SYN2: variants seen among roughly 807,000 people sequenced by gnomAD.
SYN2 encodes the protein synapsin-2.
SYN2 carries 19 observed loss-of-function variants against 50.9 expected under a neutral mutation model. The observed-to-expected ratio is 0.37, with a 90% CI of 0.26 to 0.55. The LOEUF (loss-of-function observed/expected upper bound fraction) is 0.55. Among genes scored for constraint, SYN2 ranks in the 20% least tolerant of loss-of-function variants. The pLI is 0.81. For synonymous variants in SYN2, 255 were observed against 224.9 expected (o/e 1.13, Z -1.20); for missense variants, 587 against 576.4 (o/e 1.02, Z -0.19).
At chr3:12,038,370 T>G (rs1291925650) in intron 1 of SYN2, among the ~76,000 whole-genome samples, 1 of 152,126 alleles carries the variant, frequency 6.6e-6, no homozygotes, top group East Asian at 1.9e-4. Context: ...CTAACTTTGT[T>G]GTTTTTTAAA....
intron 1 of SYN2, among the ~76,000 whole-genome samples, chr3:12,120,383 C>G (rs1272194990): frequency 1.3e-5 from 2 of 152,138 alleles, no homozygotes; most frequent in African/African-American, 4.8e-5. Context: ...GTCTACCTCT[C>G]CTTCCCCACT....
Position 12,169,865 on chromosome 3 carries a change from G to A in SYN2, c.1267G>A (p.Ala423Thr). 1 of 1,612,972 alleles carries A rather than the reference G, an allele frequency of 6.2e-7. No individual in the cohort carries two copies. Residue 423 changes from alanine to threonine, a missense_variant, in exon 10 of 13, where the codon GCC becomes ACC. Transcript: ENST00000621198. ...GAACCAGCTGCTGTCCAGGACTCCT[G>A]CCCTGTCTCCTCAGAGACCCCTAAC... Reference protein sequence around the residue: ...KMNQLLSRTPALSPQRPLTTQ... With the variant: ...KMNQLLSRTPTLSPQRPLTTQ...
At chr3:12,051,274 A>G (rs1694856882) in intron 1 of SYN2, among the ~76,000 whole-genome samples, 1 of 152,160 alleles carries the variant, frequency 6.6e-6, no homozygotes, top group Admixed American at 6.5e-5. Flanking sequence ...ATGACCTTAT[A>G]AAACTGTGGC....
intron 1 of SYN2, among the ~76,000 whole-genome samples, chr3:12,098,695 A>C (rs944580104): frequency 6.6e-6 from 1 of 151,862 alleles, no homozygotes; most frequent in African/African-American, 2.4e-5. Flanking sequence ...AAAATGTCAG[A>C]TGTAATTCCT....
intron 5 of SYN2, among the ~76,000 whole-genome samples, chr3:12,157,140 A>G (rs1446837495): frequency 6.6e-6 from 1 of 152,204 alleles, no homozygotes; most frequent in Non-Finnish European, 1.5e-5. Flanking sequence ...GGTTTATTCC[A>G]GTAGGTACCT....
At chr3:12,091,712 C>A (rs2125182051) in intron 1 of SYN2, among the ~76,000 whole-genome samples, 1 of 152,268 alleles carries the variant, frequency 6.6e-6, no homozygotes, top group South Asian at 2.1e-4. Flanking sequence ...AATAGTTAAG[C>A]CTCAAGACTT....
intron 1 of SYN2, among the ~76,000 whole-genome samples, chr3:12,039,648 AT>A (rs554765732): frequency 6.9e-5 from 10 of 143,900 alleles, no homozygotes. Context: ...AAAGCAATGG[AT>A]TTTTTTTGAA....
intron 1 of SYN2, among the ~76,000 whole-genome samples, chr3:12,098,089 C>A (rs2125186998): frequency 6.6e-6 from 1 of 152,226 alleles, no homozygotes; most frequent in East Asian, 1.9e-4. Context: ...ACACCATAAT[C>A]AAACTGTTGA....
At chr3:12,026,882 G>C (rs1694272399) in intron 1 of SYN2, among the ~76,000 whole-genome samples, 2 of 152,320 alleles carry the variant, frequency 1.3e-5, no homozygotes, top group East Asian at 3.9e-4. Flanking sequence ...GCAGTGTTTG[G>C]ATGTTAACTA....
At chr3:12,166,095 G>A (rs1559450314) in intron 7 of SYN2, among the ~76,000 whole-genome samples, 1 of 152,184 alleles carries the variant, frequency 6.6e-6, no homozygotes, top group South Asian at 2.1e-4. Context: ...CAAGCATAAG[G>A]ACTGTTGTGA....
chr3:12,174,967 C>T (rs886457532), intron 10 of SYN2, among the ~76,000 whole-genome samples: 5 of 152,180 alleles, frequency 3.3e-5, no homozygotes, highest in Admixed American at 1.3e-4. Flanking sequence ...AGAGTACAGA[C>T]TTGTTTATGG....
In SYN2 at chr3:12,190,711, G is replaced by T. The variant is rs1698430134; in HGVS notation, c.*86G>T. 6.4e-7 allele frequency: 1 copy of T among 1,552,220 alleles called. No homozygotes were observed. The highest frequency in any genetic ancestry group is 1.4e-5 in the African/African-American group (1 of 73,136). On this transcript the variant is annotated 3_prime_UTR_variant, in exon 13 of 13. Transcript: ENST00000621198. The stretch of plus-strand genomic sequence containing the variant: ...AACAGTCAGCCAGCTTGGTGGTTAT[G>T]TCCCATGACCTTGACGTGTGTGGTC...
At chr3:12,030,247 A>G (rs1037065274) in intron 1 of SYN2, among the ~76,000 whole-genome samples, 1 of 122,192 alleles carries the variant, frequency 8.2e-6, no homozygotes, top group East Asian at 2.2e-4. Context: ...CATGGTGGAT[A>G]AGCTTTTTGA....
intron 1 of SYN2, among the ~76,000 whole-genome samples, chr3:12,128,285 T>C (rs1034651583): frequency 2.6e-5 from 4 of 152,134 alleles, no homozygotes; most frequent in Non-Finnish European, 5.9e-5. Flanking sequence ...TCACAAGCGC[T>C]CTGAGTGGAA....
chr3:12,170,749 A>G (rs1238508518), intron 10 of SYN2, among the ~76,000 whole-genome samples: 2 of 152,194 alleles, frequency 1.3e-5, no homozygotes, highest in Non-Finnish European at 2.9e-5. Flanking sequence ...TCTTGGTCTC[A>G]AGTTTTTTTA....
At chr3:12,134,217 C>G (rs1429497023) in intron 1 of SYN2, among the ~76,000 whole-genome samples, 1 of 152,068 alleles carries the variant, frequency 6.6e-6, no homozygotes, top group African/African-American at 2.4e-5. Flanking sequence ...AAACCGTAGT[C>G]TCAACAACAA....
At chr3:12,170,054 C>A in intron 10 of SYN2, 148 bp downstream of exon 10, 2 of 1,086,864 alleles carry the variant, frequency 1.8e-6, no homozygotes, top group Non-Finnish European at 2.5e-6. Flanking sequence ...CCTTCCCTTC[C>A]CTTTACCCTG....
In SYN2 at chr3:12,179,541, A is replaced by G. The variant is rs192115617; in HGVS notation, c.1309-3771A>G. Among the ~76,000 whole-genome samples, 3 of 152,266 alleles carry G rather than the reference A, an allele frequency of 2.0e-5. No homozygotes were observed. In the East Asian group the frequency reaches 5.8e-4, roughly 29 times the overall value. ...CAGGAAGCTCACTACTACCCAAGCC[A>G]GCCCTTGACACTATTCAGATTTATA... On this transcript the variant is annotated intron_variant, in intron 10 of 12. Transcript: ENST00000621198.
intron 10 of SYN2, among the ~76,000 whole-genome samples, chr3:12,173,458 T>G (rs960135817): frequency 6.6e-6 from 1 of 152,206 alleles, no homozygotes; most frequent in Non-Finnish European, 1.5e-5. Context: ...ATCTCCTTTT[T>G]GTTTTCAAGT....
Sources: gnomAD v4.1 joint callset for allele counts (sites outside exome capture counted in the v4.1 genomes callset) on GRCh38, gnomAD v4.1.1 for gene constraint, MANE v1.5 for transcripts, NCBI Gene and HGNC (gene_info 2026-07-23, HGNC 2026-07-21) for gene names.